The following ATRNL1 variants were observed in gnomAD, a reference collection of about 807,000 sequenced individuals.
The protein encoded by ATRNL1 is attractin-like protein 1.
In ATRNL1, 95 loss-of-function variants were observed where a neutral mutation model predicts 182.7. The ratio of observed to expected loss-of-function variants is 0.52; its 90% CI spans 0.44 to 0.62. The LOEUF (loss-of-function observed/expected upper bound fraction) is 0.62. Ranked by LOEUF, ATRNL1 falls within the 20% of genes least tolerant of loss-of-function variation. The pLI, the probability that ATRNL1 is intolerant of heterozygous loss-of-function variation, is 0.00. For missense variants in ATRNL1, 1,471 were observed against 1,679.5 expected (o/e 0.88, Z 2.17); for synonymous variants, 576 against 568.3 (o/e 1.01, Z -0.19).
intron 19 of ATRNL1, among the ~76,000 whole-genome samples, chr10:115,387,348 C>T (rs1262509226): frequency 1.3e-5 from 2 of 152,148 alleles, no homozygotes; most frequent in East Asian, 3.9e-4. Context: ...ATTTGTGTGT[C>T]TCTATAACTA....
At chr10:115,743,311 C>T (rs898636642) in intron 27 of ATRNL1, among the ~76,000 whole-genome samples, 32 of 151,634 alleles carry the variant, frequency 2.1e-4, no homozygotes, top group African/African-American at 7.3e-4. Context: ...TACTACCATT[C>T]CTATCCAGCC....
chr10:115,389,947 G>C (rs1843935221), intron 19 of ATRNL1, among the ~76,000 whole-genome samples: 1 of 151,950 alleles, frequency 6.6e-6, no homozygotes, highest in Admixed American at 6.6e-5. Context: ...CTAATGATTA[G>C]TGATAGTGAA....
chr10:115,776,640 T>C (rs1315003267), intron 27 of ATRNL1, among the ~76,000 whole-genome samples: 1 of 150,386 alleles, frequency 6.6e-6, no homozygotes, highest in Non-Finnish European at 1.5e-5. Context: ...CATCTTAATG[T>C]TTGAAGAGAC....
chr10:115,314,811 A>G, intron 17 of ATRNL1, among the ~76,000 whole-genome samples: 1 of 152,202 alleles, frequency 6.6e-6, no homozygotes, highest in East Asian at 1.9e-4. Flanking sequence ...CAAAAAACAA[A>G]AAGACAAAAA....
At chr10:115,333,371 C>T (rs782456025) in intron 18 of ATRNL1, among the ~76,000 whole-genome samples, 1 of 152,046 alleles carries the variant, frequency 6.6e-6, no homozygotes, top group Non-Finnish European at 1.5e-5. Flanking sequence ...TATAAACAAT[C>T]TCATACTTTA....
At chr10:115,509,838 G>A (rs182822069) in intron 24 of ATRNL1, among the ~76,000 whole-genome samples, 19 of 152,122 alleles carry the variant, frequency 1.2e-4, no homozygotes, top group Non-Finnish European at 1.9e-4. Flanking sequence ...CATAGGTGAT[G>A]ATTCCTCTGA....
In ATRNL1 at chr10:115,093,837, CG is replaced by C; in HGVS notation, c.92del (p.Gly31AlafsTer69). 1 of 1,516,524 alleles carries C rather than the reference CG, an allele frequency of 6.6e-7. No individual in the cohort carries two copies. Among genetic ancestry groups the C allele is most frequent in the African/African-American group, 1.4e-5 (1 of 69,984 alleles). 93.9% of individuals were successfully genotyped at this position (1,516,524 alleles called of 1,614,324 possible). A position where few individuals can be genotyped will look rare whatever the true frequency, so the allele number is the denominator to read the frequency against. On this transcript the variant is annotated frameshift_variant, in exon 1 of 29. Transcript: ENST00000355044. LOFTEE classifies it high-confidence loss of function. This position sits in a 1 kb window ranked among gnomAD's most constrained non-coding sequence, Gnocchi z 6.1. The stretch of plus-strand genomic sequence containing the variant: ...GGGCTCGGCCGGCGGGCGGCGGCGG[CG>C]GGGGCGCCTCCTCCTGGCTGCTGGA... ...WRARPAGGGG[G>X]GASSWLLDGN... is the part of the protein sequence containing the mutation.
At chr10:115,290,949 T>C (rs563637504) in intron 15 of ATRNL1, among the ~76,000 whole-genome samples, 1 of 152,324 alleles carries the variant, frequency 6.6e-6, no homozygotes, top group South Asian at 2.1e-4. Flanking sequence ...TCCTTTACTG[T>C]ACACGTGGTT....
chr10:115,226,791 T>C (rs1849717591), intron 9 of ATRNL1, among the ~76,000 whole-genome samples: 1 of 152,126 alleles, frequency 6.6e-6, no homozygotes, highest in Non-Finnish European at 1.5e-5. Context: ...TACAATCATC[T>C]GATCTTTGAC....
chr10:115,647,470 T>A (rs1859705087), intron 26 of ATRNL1, among the ~76,000 whole-genome samples: 1 of 152,198 alleles, frequency 6.6e-6, no homozygotes. Flanking sequence ...TGTTGTTTCC[T>A]GACTTTTTGA....
intron 27 of ATRNL1, among the ~76,000 whole-genome samples, chr10:115,731,360 A>G (rs1359228724): frequency 6.6e-6 from 1 of 152,106 alleles, no homozygotes; most frequent in Non-Finnish European, 1.5e-5. Context: ...CTGATTTGCT[A>G]TTTTGTTGTC....
chr10:115,278,720 C>T (rs1374721724), intron 13 of ATRNL1, among the ~76,000 whole-genome samples: 1 of 152,122 alleles, frequency 6.6e-6, no homozygotes, highest in Non-Finnish European at 1.5e-5. Flanking sequence ...GAGAAATTGA[C>T]CAAAAACCTT....
intron 18 of ATRNL1, among the ~76,000 whole-genome samples, chr10:115,318,707 A>AGTCT (rs1311395340): frequency 2.0e-5 from 3 of 152,020 alleles, no homozygotes; most frequent in African/African-American, 7.2e-5. Flanking sequence ...CTCTGATGGT[A>AGTCT]GTCTATATTT....
At chr10:115,387,189 A>C (rs1858411634) in intron 19 of ATRNL1, among the ~76,000 whole-genome samples, 1 of 152,116 alleles carries the variant, frequency 6.6e-6, no homozygotes, top group Non-Finnish European at 1.5e-5. Flanking sequence ...ACAAAAGGTT[A>C]GTCTTAAGAT....
chr10:115,218,020 GGGA>G (rs2144419672), intron 9 of ATRNL1, among the ~76,000 whole-genome samples: 1 of 152,174 alleles, frequency 6.6e-6, no homozygotes, highest in East Asian at 1.9e-4. Context: ...CATGGACCCA[GGGA>G]GGGGAGATGG....
intron 27 of ATRNL1, among the ~76,000 whole-genome samples, chr10:115,739,716 G>A (rs1379750542): frequency 6.6e-6 from 1 of 151,994 alleles, no homozygotes; most frequent in Non-Finnish European, 1.5e-5. Context: ...CATATTTTTG[G>A]CTCCTGTTTC....
chr10:115,905,477 A>C (rs1253473516), intron 28 of ATRNL1, among the ~76,000 whole-genome samples: 1 of 150,932 alleles, frequency 6.6e-6, no homozygotes, highest in African/African-American at 2.4e-5. Context: ...TGATCCACCC[A>C]CCTCGGCCTC....
chr10:115,588,808 C>T (rs1855733999), intron 26 of ATRNL1, among the ~76,000 whole-genome samples: 1 of 152,170 alleles, frequency 6.6e-6, no homozygotes, highest in African/African-American at 2.4e-5. Context: ...TTATTTAGTG[C>T]ATCTATGGAA....
chr10:115,864,201 G>A (rs1308699732), intron 28 of ATRNL1, among the ~76,000 whole-genome samples: 2 of 151,650 alleles, frequency 1.3e-5, no homozygotes, highest in African/African-American at 2.4e-5. Context: ...TGAGGCTGCA[G>A]TAAGCTGAGA....
Sources: allele counts gnomAD v4.1 joint callset (sites outside exome capture counted in the v4.1 genomes callset), GRCh38; gene constraint gnomAD v4.1.1; non-coding constraint Gnocchi (gnomAD v3.1); transcripts MANE v1.5; gene names NCBI Gene and HGNC (gene_info 2026-07-23, HGNC 2026-07-21).